The following TTLL7 variants were observed in gnomAD, a reference collection of about 807,000 sequenced individuals.
TTLL7 encodes tubulin polyglutamylase TTLL7.
A neutral mutation model predicts 120.2 loss-of-function variants in TTLL7; 53 were observed. That is an observed-to-expected ratio of 0.44 (90% confidence interval 0.35 to 0.55). The LOEUF (loss-of-function observed/expected upper bound fraction) is 0.55, where lower values mean the gene tolerates loss of function less well. Ranked by LOEUF, TTLL7 falls within the 20% of genes least tolerant of loss-of-function variation. TTLL7 has a pLI of 0.00. For synonymous variants in TTLL7, 353 were observed against 351.7 expected (o/e 1.00, Z -0.04); for missense variants, 803 against 1,054.7 (o/e 0.76, Z 3.31).
chr1:83,902,449 A>G (rs527332555), intron 18 of TTLL7, among the ~76,000 whole-genome samples: 2 of 152,102 alleles, frequency 1.3e-5, no homozygotes, highest in South Asian at 4.1e-4. Flanking sequence ...CATCGCTAAC[A>G]TCCACATTGC....
intron 20 of TTLL7, among the ~76,000 whole-genome samples, chr1:83,871,458 G>A (rs1205422171): frequency 1.3e-5 from 2 of 152,142 alleles, no homozygotes; most frequent in Admixed American, 1.3e-4. Flanking sequence ...TGATGAGGAG[G>A]AAATGCTATA....
intron 1 of TTLL7, among the ~76,000 whole-genome samples, chr1:83,974,133 G>T (rs1651244495): frequency 6.6e-6 from 1 of 151,886 alleles, no homozygotes; most frequent in African/African-American, 2.4e-5. Context: ...AAAAGAAAAA[G>T]CAAATAAACA....
chr1:83,986,942 G>A (rs558609731), intron 1 of TTLL7, among the ~76,000 whole-genome samples: 42 of 152,214 alleles, frequency 2.8e-4, no homozygotes, highest in Admixed American at 1.2e-3. Flanking sequence ...CAAGAAAAAT[G>A]AAGACATATG....
rs139841458 is a variant in TTLL7 at position 83,969,605 on chromosome 1, G to A, written c.-176-17218C>T. 4.4e-4 allele frequency among the ~76,000 whole-genome samples: 67 copies of A among 152,010 alleles called. No individual in the cohort carries two copies. The East Asian group carries it at 8.3e-3, about 19-fold the overall frequency. ...AACAAAAGTCTAAATTATACAAAGT[G>A]TTTATGCTTTTGATTTGTTAATTCC... On this transcript the variant is annotated intron_variant, in intron 1 of 20. Transcript: ENST00000260505.
intron 17 of TTLL7, among the ~76,000 whole-genome samples, chr1:83,905,340 A>G (rs1397293959): frequency 1.3e-5 from 2 of 151,776 alleles, no homozygotes; most frequent in Non-Finnish European, 2.9e-5. Context: ...AGTACATAAT[A>G]TAAATTCTAG....
intron 20 of TTLL7, among the ~76,000 whole-genome samples, chr1:83,871,088 C>T (rs1377663710): frequency 6.7e-6 from 1 of 150,064 alleles, no homozygotes; most frequent in Non-Finnish European, 1.5e-5. Context: ...ATTTATATTA[C>T]TCACTGCAAC....
chr1:83,971,720 A>G (rs1274519051), intron 1 of TTLL7, among the ~76,000 whole-genome samples: 1 of 152,034 alleles, frequency 6.6e-6, no homozygotes, highest in Non-Finnish European at 1.5e-5. Flanking sequence ...TTCTTGGCAC[A>G]TAATTCTTGG....
intron 1 of TTLL7, among the ~76,000 whole-genome samples, chr1:83,958,818 C>T (rs955069097): frequency 6.6e-6 from 1 of 152,086 alleles, no homozygotes; most frequent in African/African-American, 2.4e-5. Context: ...GTAATGTGCA[C>T]ACCTGGGACT....
rs368544075 is a variant in TTLL7 at position 83,935,702 on chromosome 1, G to A, written c.889-1936C>T. 2.7e-3 allele frequency among the ~76,000 whole-genome samples: 406 copies of A among 152,004 alleles called. 4 individuals carry two copies. In the South Asian group the frequency reaches 0.043, roughly 16 times the overall value. ...GTTACCTTTTAGAGAAATTGCCCGG[G>A]TTATTAAAAATAAGTTATAAATTAA... is the stretch of plus-strand genomic sequence containing the variant. On this transcript the variant is annotated intron_variant, in intron 8 of 20. Transcript: ENST00000260505.
intron 20 of TTLL7, chr1:83,880,028 C>T (rs1654305482): frequency 6.6e-6 from 1 of 151,862 alleles, no homozygotes. Flanking sequence ...TGAATTACTT[C>T]TTAGATTGAA....
intron 10 of TTLL7, among the ~76,000 whole-genome samples, chr1:83,923,007 G>A (rs908174041): frequency 1.3e-5 from 2 of 150,748 alleles, no homozygotes; most frequent in African/African-American, 4.9e-5. Context: ...AAAGAGAGAT[G>A]AACTTGTGAT....
chr1:83,950,057 T>C, intron 3 of TTLL7, 71 bp from the exon 4 acceptor site: 1 of 1,338,572 alleles, frequency 7.5e-7, no homozygotes. Context: ...GAAACATTTT[T>C]CTATCTAAAC....
At chr1:83,916,267 T>C (rs548542768) in intron 14 of TTLL7, among the ~76,000 whole-genome samples, 1 of 152,034 alleles carries the variant, frequency 6.6e-6, no homozygotes, top group Non-Finnish European at 1.5e-5. Flanking sequence ...ATAGACTGGA[T>C]TAAGAAAATG....
intron 18 of TTLL7, among the ~76,000 whole-genome samples, chr1:83,901,820 C>T (rs1656748439): frequency 6.6e-6 from 1 of 151,930 alleles, no homozygotes. Context: ...CATCAAGTTT[C>T]AGCTTATTCA....
chr1:83,904,712 T>C lies in TTLL7; in HGVS notation c.2128-553A>G, dbSNP rs191149543. On this transcript the variant is annotated intron_variant, in intron 17 of 20. Coordinates refer to ENST00000260505, the MANE Select transcript of TTLL7 (RefSeq NM_024686.6). ...AAGATTTGGCAAGAAATCCAAGAAATAGATTTTTCATTTGTATTTTAGAGG... is the reference window on the plus strand; with the variant it reads ...AAGATTTGGCAAGAAATCCAAGAAACAGATTTTTCATTTGTATTTTAGAGG... Among the ~76,000 whole-genome samples the C allele has an allele frequency of 8.2e-4, 125 of 152,198 alleles. 1 individual carries two copies. The highest frequency in any genetic ancestry group is 3.4e-3 in the Middle Eastern group (1 of 294).
chr1:83,908,393 T>A (rs1175224943), intron 15 of TTLL7, among the ~76,000 whole-genome samples: 1 of 151,948 alleles, frequency 6.6e-6, no homozygotes, highest in Non-Finnish European at 1.5e-5. Flanking sequence ...AAATACAGAA[T>A]TGGTTATTAT....
At chr1:83,954,496 T>C (rs1649334108) in intron 1 of TTLL7, among the ~76,000 whole-genome samples, 1 of 152,192 alleles carries the variant, frequency 6.6e-6, no homozygotes, top group Non-Finnish European at 1.5e-5. Context: ...AAACCATAGT[T>C]ACCTACTTTC....
chr1:83,903,071 T>C (rs1471459691), intron 18 of TTLL7, among the ~76,000 whole-genome samples: 1 of 151,980 alleles, frequency 6.6e-6, no homozygotes, highest in Non-Finnish European at 1.5e-5. Flanking sequence ...TCTAACAGGC[T>C]ATGTAACTTC....
chr1:83,931,774 GCCACTAGCAATCAGT>G (rs1659621189), intron 9 of TTLL7, among the ~76,000 whole-genome samples: 1 of 152,060 alleles, frequency 6.6e-6, no homozygotes, highest in South Asian at 2.1e-4. Context: ...GTGCAATTCT[GCCACTAGCAATCAGT>G]CCCTGAAATT....
Sources: gnomAD v4.1 joint callset for allele counts (sites outside exome capture counted in the v4.1 genomes callset) on GRCh38, gnomAD v4.1.1 for gene constraint, MANE v1.5 for transcripts, NCBI Gene and HGNC (gene_info 2026-07-23, HGNC 2026-07-21) for gene names.